The following MAPK6 variants were observed in gnomAD, a reference collection of about 807,000 sequenced individuals.
MAPK6 encodes ERK-3.
Under a neutral mutation model 59.3 loss-of-function variants are expected in MAPK6, and 19 were observed. That is an observed-to-expected ratio of 0.32 (90% CI 0.22 to 0.47). MAPK6 has a LOEUF of 0.47. Ranked by LOEUF, MAPK6 falls within the 20% of genes least tolerant of loss-of-function variation. The pLI, the probability that MAPK6 is intolerant of heterozygous loss-of-function variation, is 1.00. For synonymous variants in MAPK6, 316 were observed against 290.3 expected (o/e 1.09, Z -0.90); for missense variants, 724 against 847.9 (o/e 0.85, Z 1.81).
At chr15:52,003,948 C>T (rs1057449458) in intron 2 of MAPK6, among the ~76,000 whole-genome samples, 1 of 152,354 alleles carries the variant, frequency 6.6e-6, no homozygotes. Flanking sequence ...TATTGCCTCA[C>T]ATTTACACTG....
At chr15:52,034,729 C>T (rs900920042) in intron 1 of MAPK6, among the ~76,000 whole-genome samples, 1 of 151,900 alleles carries the variant, frequency 6.6e-6, no homozygotes, top group African/African-American at 2.4e-5. Context: ...ATGGAATCTT[C>T]CTCTGTTGCC....
intron 5 of MAPK6, among the ~76,000 whole-genome samples, chr15:52,061,766 C>G (rs76290373): frequency 0.023 from 3,457 of 152,076 alleles, 96 homozygotes; most frequent in East Asian, 0.069. Context: ...GAGCAAGACT[C>G]CATCTCAAAG....
At chr15:52,059,152 A>G (rs1386650134) in intron 4 of MAPK6, among the ~76,000 whole-genome samples, 1 of 152,200 alleles carries the variant, frequency 6.6e-6, no homozygotes, top group Non-Finnish European at 1.5e-5. Context: ...CCGGTTTTGC[A>G]GGCTTTTCAG....
intron 3 of MAPK6, among the ~76,000 whole-genome samples, chr15:52,007,123 C>T (rs530411219): frequency 1.3e-5 from 2 of 152,276 alleles, no homozygotes; most frequent in Admixed American, 1.3e-4. Context: ...TACCCCACTT[C>T]CTACCTCCCT....
chr15:52,054,757 CAT>C (rs2031907337), intron 3 of MAPK6, among the ~76,000 whole-genome samples: 9 of 149,660 alleles, frequency 6.0e-5, no homozygotes, highest in African/African-American at 2.3e-4. Flanking sequence ...CACATATACA[CAT>C]ACATAGATAC....
intron 1 of MAPK6, among the ~76,000 whole-genome samples, chr15:52,044,120 T>C (rs1178664009): frequency 6.6e-6 from 1 of 152,170 alleles, no homozygotes; most frequent in Non-Finnish European, 1.5e-5. Flanking sequence ...ACTTCAACTT[T>C]TAAGTGTTTT....
upstream of MAPK6, among the ~76,000 whole-genome samples, chr15:52,016,045 A>C (rs2030232449): frequency 3.5e-5 from 4 of 112,980 alleles, no homozygotes; most frequent in East Asian, 2.8e-4. Context: ...CACAGAGCCA[A>C]ACTCCATCGC....
At chr15:52,044,855 A>G (rs1288261019) in intron 1 of MAPK6, among the ~76,000 whole-genome samples, 1 of 152,152 alleles carries the variant, frequency 6.6e-6, no homozygotes, top group African/African-American at 2.4e-5. Context: ...AACGCAGATA[A>G]ATGATTCTGG....
At chr15:52,038,115 G>A (rs771743767) in intron 1 of MAPK6, among the ~76,000 whole-genome samples, 4 of 150,202 alleles carry the variant, frequency 2.7e-5, no homozygotes, top group Non-Finnish European at 5.9e-5. Context: ...ACATGCCCCT[G>A]TGCTCCAGGA....
intron 4 of MAPK6, 30 bp from the exon 5 acceptor site, chr15:52,061,269 T>A (rs202025741): frequency 6.5e-7 from 1 of 1,547,750 alleles, no homozygotes; most frequent in African/African-American, 1.4e-5. Context: ...GCAATTCTTT[T>A]CTGAAAAACT....
chr15:51,995,935 A>G (rs947550650), intron 2 of MAPK6, among the ~76,000 whole-genome samples: 2 of 151,760 alleles, frequency 1.3e-5, no homozygotes, highest in Non-Finnish European at 2.9e-5. Context: ...TTCAAAAAAA[A>G]AGAAAGAAGG....
chr15:52,019,547 G>GCCGCCCGCCCCCTGCTCGC (rs1257734362), intron 1 of MAPK6, among the ~76,000 whole-genome samples, 171 bp downstream of exon 1: 59 of 145,998 alleles, frequency 4.0e-4, no homozygotes, highest in African/African-American at 1.4e-3. Context: ...TGTTCGGTCT[G>GCCGCCCGCCCCCTGCTCGC]CCGCCCGCCC....
chr15:51,979,751 G>A (rs2250797), intron 1 of MAPK6, among the ~76,000 whole-genome samples: 7,445 of 151,644 alleles, frequency 0.049, 438 homozygotes, highest in African/African-American at 0.12. Flanking sequence ...CAGAGATTGC[G>A]CCACTGCACT....
chr15:52,062,957 TA>T (rs1566915392), intron 5 of MAPK6, among the ~76,000 whole-genome samples: 2 of 152,208 alleles, frequency 1.3e-5, no homozygotes, highest in African/African-American at 4.8e-5. Context: ...CTTAAGATTT[TA>T]AGAAGAAATT....
At position 52,064,192 on chromosome 15, in the gene MAPK6, A is replaced by G. The variant is rs749492052; in HGVS notation, c.1358A>G (p.Tyr453Cys). The G allele has an allele frequency of 1.2e-6, 2 of 1,612,568 alleles. No homozygotes were observed. The highest frequency in any genetic ancestry group is 1.7e-6 in the Non-Finnish European group (2 of 1,179,688). ...AACTACAAAACGAGGTCATCATCAT[A>G]TTTAGATAACTTAGTTTGGAGAGAG... is the stretch of plus-strand genomic sequence containing the variant. ...TCNYKTRSSSYLDNLVWRESE... is the reference protein window; with the variant it reads ...TCNYKTRSSSCLDNLVWRESE... The change falls in exon 6 of 6, where the codon TAT (tyrosine) becomes TGT (cysteine). Residue 453 changes from tyrosine (Y) to cysteine (C), a missense_variant. Physicochemically the swap from Tyr to Cys is radical, Grantham distance 194. This residue lies in a region of MAPK6 where 502 missense variants were observed against 507.6 expected (regional missense o/e 0.99). Transcript: ENST00000261845.
At chr15:52,037,633 CCTT>C (rs1365990592) in intron 1 of MAPK6, among the ~76,000 whole-genome samples, 1 of 152,122 alleles carries the variant, frequency 6.6e-6, no homozygotes, top group Admixed American at 6.6e-5. Flanking sequence ...AAACCAGCTG[CCTT>C]CTTCATGTTG....
intron 2 of MAPK6, among the ~76,000 whole-genome samples, chr15:51,996,618 A>T (rs188230303): frequency 6.6e-6 from 1 of 151,774 alleles, no homozygotes; most frequent in Non-Finnish European, 1.5e-5. Context: ...ATAGTCTCGA[A>T]CTCCTGGCCT....
At chr15:52,024,025 C>T (rs1256938040) in intron 1 of MAPK6, among the ~76,000 whole-genome samples, 2 of 152,150 alleles carry the variant, frequency 1.3e-5, no homozygotes, top group Non-Finnish European at 2.9e-5. Context: ...CATTGATTTT[C>T]GTTAAATTTG....
At chr15:52,003,131 G>A (rs2057247408) in intron 2 of MAPK6, among the ~76,000 whole-genome samples, 1 of 151,986 alleles carries the variant, frequency 6.6e-6, no homozygotes, top group African/African-American at 2.4e-5. Context: ...AGGTTGCAGT[G>A]AGCTGAGATT....
Sources: gnomAD v4.1 joint callset for allele counts (sites outside exome capture counted in the v4.1 genomes callset) on GRCh38, gnomAD v4.1.1 for gene constraint, gnomAD v4.1.1 regional missense constraint, MANE v1.5 for transcripts, NCBI Gene and HGNC (gene_info 2026-07-23, HGNC 2026-07-21) for gene names.